TTL: variants seen among roughly 807,000 people sequenced by gnomAD.
The protein encoded by TTL is tubulin tyrosine ligase, also known as tubulin--tyrosine ligase.
Under a neutral mutation model 41.1 loss-of-function variants are expected in TTL, and 10 were observed. The ratio of observed to expected loss-of-function variants is 0.24; its 90% CI spans 0.15 to 0.41. The LOEUF (loss-of-function observed/expected upper bound fraction) is 0.41, where lower values mean the gene tolerates loss of function less well. Ranked by LOEUF, TTL falls within the 10% of genes least tolerant of loss-of-function variation. The pLI, the probability that TTL is intolerant of heterozygous loss-of-function variation, is 1.00. For synonymous variants in TTL, 175 were observed against 175.5 expected, an observed-to-expected ratio of 1.00 and a Z score of 0.02; for missense variants, 367 against 460.4, an observed-to-expected ratio of 0.80 and a Z score of 1.86.
In TTL at chr2:112,520,298, G is replaced by A. The variant is rs145289543; in HGVS notation, c.892G>A (p.Val298Met). ...GCCTCATAGGAACTGCCTCCTGAGC[G>A]TGGAGCCTGCCATTAGCACCAAGCA... ...KHIIRNCLLS[V>M]EPAISTKHLP... The change falls in exon 6 of 7, where the codon GTG becomes ATG. Residue 298 changes from valine (V) to methionine (M), a missense_variant. Val to Met is a conservative substitution (Grantham distance 21). Transcript: ENST00000233336. The A allele has an allele frequency of 9.2e-5, 148 of 1,613,910 alleles. 1 individual carries two copies. The highest frequency in any genetic ancestry group is 7.2e-4 in the Admixed American group (43 of 59,994).
chr2:112,503,002 T>C lies in TTL; in HGVS notation c.696T>C (p.Asn232=). ...CTTCAGAACCATATCATGTTGATAA[T>C]TTCCAAGACAAAACCTGCCATTTGA... ...RTASEPYHVD[N]FQDKTCHLTN... The change falls in exon 5 of 7, where the codon AAT becomes AAC. Residue 232 remains asparagine (N), a synonymous_variant. Transcript: ENST00000233336. The C allele has an allele frequency of 5.6e-6, 9 of 1,614,088 alleles. No individual in the cohort carries two copies. Among genetic ancestry groups the C allele is most frequent in the Non-Finnish European group, 7.6e-6 (9 of 1,180,010 alleles).
At position 112,482,584 on chromosome 2, in the gene TTL, T is replaced by C; in HGVS notation, c.157+83T>C. The C allele has an allele frequency of 7.1e-7, 1 of 1,418,308 alleles. No homozygotes were observed. Among genetic ancestry groups the C allele is most frequent in the Non-Finnish European group, 9.4e-7 (1 of 1,068,430 alleles). The allele number at this position is 1,418,308 out of a possible 1,614,324, so 87.9% of individuals were successfully genotyped here. A position where few individuals can be genotyped will look rare whatever the true frequency, so the allele number is the denominator to read the frequency against. ...CGGCCCGTTAGAACCGGCGCTTTTG[T>C]TTTTAAAGGTCATACATTTTCTCCT... On this transcript the variant is annotated intron_variant, in intron 1 of 6. Coordinates refer to ENST00000233336, the MANE Select transcript of TTL (RefSeq NM_153712.5). The surrounding 1 kb of genome is among the most constrained non-coding windows in gnomAD (Gnocchi z 5.3).
intron 2 of TTL, among the ~76,000 whole-genome samples, chr2:112,490,877 A>G (rs1681365299): frequency 1.3e-5 from 2 of 152,036 alleles, no homozygotes; most frequent in Non-Finnish European, 1.5e-5. Flanking sequence ...CCAGCCATAA[A>G]TCCATATTTT....
At chr2:112,503,210 G>C (rs373832227) in intron 5 of TTL, 29 bp downstream of exon 5, 12 of 1,531,134 alleles carry the variant, frequency 7.8e-6, no homozygotes, top group Admixed American at 1.9e-5. Context: ...TTTGGATTAC[G>C]TGTTTCTTCT....
At chr2:112,521,389 C>G (rs1444300258) in intron 6 of TTL, 2 of 983,984 alleles carry the variant, frequency 2.0e-6, no homozygotes, top group African/African-American at 3.5e-5. Flanking sequence ...GGGAAAGTCA[C>G]TCGGACTCAA....
At chr2:112,521,289 G>C in intron 6 of TTL, 1 of 985,398 alleles carries the variant, frequency 1.0e-6, no homozygotes, top group African/African-American at 1.7e-5. Context: ...GCTTCTCTCG[G>C]GAGAAGGCTG....
intron 2 of TTL, among the ~76,000 whole-genome samples, chr2:112,491,324 C>T (rs1574055267): frequency 6.6e-6 from 1 of 152,272 alleles, no homozygotes; most frequent in East Asian, 1.9e-4. Context: ...AATTTGACAG[C>T]ATTTTATCAT....
At position 112,503,184 on chromosome 2, in the gene TTL, A is replaced by AGC; in HGVS notation, c.875+3_875+4insGC. The stretch of plus-strand genomic sequence containing the variant: ...CTACAAATCAAACATATAATAAGGT[A>AGC]ACTTAATTGTATCTTTTTGGATTAC... On this transcript the variant is annotated splice_donor_region_variant and intron_variant, in intron 5 of 6. Transcript: ENST00000233336. The AGC allele has an allele frequency of 6.4e-7, 1 of 1,574,086 alleles. No individual in the cohort carries two copies. Among genetic ancestry groups the AGC allele is most frequent in the Non-Finnish European group, 8.6e-7 (1 of 1,158,178 alleles).
At chr2:112,496,371 T>G (rs1053238888) in intron 3 of TTL, among the ~76,000 whole-genome samples, 10 of 152,202 alleles carry the variant, frequency 6.6e-5, no homozygotes, top group African/African-American at 2.4e-4. Context: ...TGGTTTTTAT[T>G]CTTGTTAAAC....
At chr2:112,509,556 C>T (rs1394576030) in intron 5 of TTL, among the ~76,000 whole-genome samples, 4 of 152,098 alleles carry the variant, frequency 2.6e-5, no homozygotes, top group African/African-American at 4.8e-5. Context: ...GCGCAATATT[C>T]GGGTGGGAGT....
At chr2:112,512,196 A>AT (rs1239706315) in intron 5 of TTL, among the ~76,000 whole-genome samples, 3 of 151,442 alleles carry the variant, frequency 2.0e-5, no homozygotes, top group Non-Finnish European at 2.9e-5. Flanking sequence ...GGTTCAAGTG[A>AT]TTCTCCTGCC....
At chr2:112,520,558 A>G in intron 6 of TTL, 133 bp downstream of exon 6, 1 of 1,256,664 alleles carries the variant, frequency 8.0e-7, no homozygotes, top group Non-Finnish European at 1.1e-6. Context: ...CCTTGGGAGG[A>G]CTCTATCTGG....
At position 112,482,452 on chromosome 2, in the gene TTL, A is replaced by G. The variant is rs1397048776; in HGVS notation, c.108A>G (p.Arg36=). 17 of 1,611,248 alleles carry G rather than the reference A, an allele frequency of 1.1e-5. No individual in the cohort carries two copies. Among genetic ancestry groups the G allele is most frequent in the Non-Finnish European group, 1.4e-5 (16 of 1,178,940 alleles). Residue 36 remains arginine, a synonymous_variant, in exon 1 of 7, where the codon AGA becomes AGG. Coordinates refer to ENST00000233336, the MANE Select transcript of TTL (RefSeq NM_153712.5). This position sits in a 1 kb window ranked among gnomAD's most constrained non-coding sequence, Gnocchi z 5.3. ...AGAGGCTGCGGCGAGACAACCCCAGATTCAACCTGATGCTGGGAGAGAGGA... is the reference window on the plus strand; with the variant it reads ...AGAGGCTGCGGCGAGACAACCCCAGGTTCAACCTGATGCTGGGAGAGAGGA... The part of the protein sequence containing the change: ...HWKRLRRDNP[R]FNLMLGERNR...
At chr2:112,519,834 G>A (rs1161083892) in intron 5 of TTL, among the ~76,000 whole-genome samples, 1 of 151,980 alleles carries the variant, frequency 6.6e-6, no homozygotes, top group Non-Finnish European at 1.5e-5. Context: ...GTAATAAGTT[G>A]AAAAGAGAGA....
chr2:112,491,976 A>AT (rs920788071), intron 2 of TTL, among the ~76,000 whole-genome samples: 1 of 151,964 alleles, frequency 6.6e-6, no homozygotes, highest in Non-Finnish European at 1.5e-5. Flanking sequence ...TTGTCCAAAT[A>AT]TTTTTTTAAC....
At chr2:112,484,267 T>C (rs1681176872) in intron 1 of TTL, among the ~76,000 whole-genome samples, 1 of 151,342 alleles carries the variant, frequency 6.6e-6, no homozygotes, top group African/African-American at 2.4e-5. Flanking sequence ...TGTTTTTTGT[T>C]TGTCTGTTTG....
intron 6 of TTL, among the ~76,000 whole-genome samples, chr2:112,521,036 A>T (rs1052918621): frequency 2.6e-5 from 4 of 152,154 alleles, no homozygotes; most frequent in Non-Finnish European, 5.9e-5. Flanking sequence ...GGATCCTATG[A>T]TGTGGCGACC....
At chr2:112,503,805 C>CT (rs70963002) in intron 5 of TTL, among the ~76,000 whole-genome samples, 46,378 of 103,000 alleles carry the variant, frequency 0.45, 8,820 homozygotes, top group Middle Eastern at 0.53. Context: ...CCGTAAACTT[C>CT]TTTTTTTTTT....
chr2:112,486,360 G>A (rs945630990), intron 2 of TTL, among the ~76,000 whole-genome samples: 3 of 152,236 alleles, frequency 2.0e-5, no homozygotes, highest in African/African-American at 7.2e-5. Flanking sequence ...GAGCACCAGA[G>A]TGAATGGCAC....
Sources: gnomAD v4.1 joint callset for allele counts (sites outside exome capture counted in the v4.1 genomes callset) on GRCh38, gnomAD v4.1.1 for gene constraint, Gnocchi (gnomAD v3.1) non-coding constraint, MANE v1.5 for transcripts, NCBI Gene and HGNC (gene_info 2026-07-23, HGNC 2026-07-21) for gene names.